The following SLC16A9 variants were observed in gnomAD, a reference collection of about 807,000 sequenced individuals.
SLC16A9 encodes monocarboxylate transporter 9.
Under a neutral mutation model 44.3 loss-of-function variants are expected in SLC16A9, and 26 were observed. That is an observed-to-expected ratio of 0.59 (90% CI 0.43 to 0.81). SLC16A9 has a LOEUF of 0.81. Among genes scored for constraint, SLC16A9 ranks in the 40% least tolerant of loss-of-function variants. The pLI, the probability that SLC16A9 is intolerant of heterozygous loss-of-function variation, is 0.00. For synonymous variants in SLC16A9, 230 were observed against 225.1 expected, an observed-to-expected ratio of 1.02 and a Z score of -0.19; for missense variants, 559 against 595.8, an observed-to-expected ratio of 0.94 and a Z score of 0.64.
intron 2 of SLC16A9, among the ~76,000 whole-genome samples, chr10:59,673,921 C>T (rs1375170898): frequency 6.6e-6 from 1 of 152,154 alleles, no homozygotes; most frequent in Non-Finnish European, 1.5e-5. Context: ...AGACACCCAA[C>T]ATAAAAAGTA....
At chr10:59,703,605 T>G (rs1840573058) in intron 1 of SLC16A9, among the ~76,000 whole-genome samples, 1 of 152,176 alleles carries the variant, frequency 6.6e-6, no homozygotes, top group Non-Finnish European at 1.5e-5. Flanking sequence ...TTTTGGAAAC[T>G]TTGGCACCAC....
At chr10:59,656,718 G>A (rs569328357) in intron 4 of SLC16A9, among the ~76,000 whole-genome samples, 1 of 152,276 alleles carries the variant, frequency 6.6e-6, no homozygotes, top group East Asian at 1.9e-4. Flanking sequence ...TTGTTACATA[G>A]GTAAATATAG....
chr10:59,656,673 T>G (rs1169344934), intron 4 of SLC16A9, among the ~76,000 whole-genome samples: 1 of 152,188 alleles, frequency 6.6e-6, no homozygotes, highest in Non-Finnish European at 1.5e-5. Context: ...GTTAAAAATT[T>G]TAAGTTCCAG....
At chr10:59,657,332 G>A (rs973444998) in intron 4 of SLC16A9, among the ~76,000 whole-genome samples, 3 of 152,236 alleles carry the variant, frequency 2.0e-5, no homozygotes, top group East Asian at 3.9e-4. Context: ...GAGGAAGATC[G>A]CTTCCCCCAA....
intron 3 of SLC16A9, among the ~76,000 whole-genome samples, chr10:59,668,063 ACCT>A (rs1187657761): frequency 6.7e-6 from 1 of 148,820 alleles, no homozygotes. Flanking sequence ...GCCTCAGTTC[ACCT>A]CCTCATCTTT....
At chr10:59,690,417 A>C (rs1840228225) in intron 1 of SLC16A9, among the ~76,000 whole-genome samples, 1 of 152,176 alleles carries the variant, frequency 6.6e-6, no homozygotes, top group Non-Finnish European at 1.5e-5. Context: ...GGTGCCATAC[A>C]AGTGGATGGA....
chr10:59,668,668 T>C (rs1839678606), intron 3 of SLC16A9, among the ~76,000 whole-genome samples: 1 of 152,170 alleles, frequency 6.6e-6, no homozygotes, highest in South Asian at 2.1e-4. Context: ...TTAAGAGACA[T>C]AAAAAATGTA....
chr10:59,677,939 G>T (rs1839895121), intron 2 of SLC16A9, among the ~76,000 whole-genome samples: 1 of 151,354 alleles, frequency 6.6e-6, no homozygotes, highest in Non-Finnish European at 1.5e-5. Context: ...ACAATGTGCA[G>T]GTTAGTTACA....
At chr10:59,678,452 T>C (rs1839906449) in intron 2 of SLC16A9, among the ~76,000 whole-genome samples, 1 of 151,338 alleles carries the variant, frequency 6.6e-6, no homozygotes, top group Non-Finnish European at 1.5e-5. Context: ...CTGCCTTTCA[T>C]TTTAGTGGGT....
chr10:59,697,097 G>T (rs183366150), intron 1 of SLC16A9, among the ~76,000 whole-genome samples: 1 of 92,922 alleles, frequency 1.1e-5, no homozygotes, highest in Non-Finnish European at 2.2e-5. Context: ...CGCCCTGTCC[G>T]GGAGGGAGGT....
At chr10:59,692,134 T>C (rs888397527) in intron 1 of SLC16A9, among the ~76,000 whole-genome samples, 9 of 152,198 alleles carry the variant, frequency 5.9e-5, no homozygotes, top group African/African-American at 2.2e-4. Flanking sequence ...CACTACCGGA[T>C]TGTCTGGTGC....
At chr10:59,665,837 A>C (rs1320256904) in intron 3 of SLC16A9, among the ~76,000 whole-genome samples, 1 of 152,240 alleles carries the variant, frequency 6.6e-6, no homozygotes, top group African/African-American at 2.4e-5. Flanking sequence ...CAGGTTACTA[A>C]ATGTCAATGC....
At chr10:59,698,250 GAATA>G (rs1297310332) in intron 1 of SLC16A9, among the ~76,000 whole-genome samples, 2 of 152,258 alleles carry the variant, frequency 1.3e-5, no homozygotes, top group Admixed American at 6.5e-5. Context: ...CAAAAGAGCA[GAATA>G]ATTAGATCCT....
rs187110010 is a variant in SLC16A9, at chr10:59,705,842, T to C, written c.-37+3637A>G. ...AGTACAGTTAAGGATGTTGATACTG[T>C]TTATGTAAATATACCAATAATGTTC... On this transcript the variant is annotated intron_variant, in intron 1 of 5. Transcript: ENST00000395348. Among the ~76,000 whole-genome samples the C allele has an allele frequency of 3.4e-4, 52 of 152,344 alleles. 1 individual carries two copies. The highest frequency in any genetic ancestry group is 1.3e-3 in the African/African-American group (52 of 41,578).
chr10:59,677,857 TAA>T (rs1839893354), intron 2 of SLC16A9, among the ~76,000 whole-genome samples: 1 of 152,018 alleles, frequency 6.6e-6, no homozygotes. Flanking sequence ...CTTTTTTTTT[TAA>T]GTTTAGCTAC....
intron 4 of SLC16A9, among the ~76,000 whole-genome samples, chr10:59,661,218 C>G (rs1172720315): frequency 6.6e-6 from 1 of 152,212 alleles, no homozygotes; most frequent in Non-Finnish European, 1.5e-5. Context: ...CAAATTATCT[C>G]TGTTTGCAGA....
At chr10:59,696,897 T>C (rs12773023) in intron 1 of SLC16A9, among the ~76,000 whole-genome samples, 13,548 of 138,822 alleles carry the variant, frequency 0.098, 866 homozygotes, top group Middle Eastern at 0.13. Context: ...GTGAGGAGCG[T>C]CTCCGCCCGA....
At position 59,684,270 on chromosome 10, in the gene SLC16A9, C is replaced by T; in HGVS notation, c.22G>A (p.Asp8Asn). 1 of 1,613,268 alleles carries T rather than the reference C, an allele frequency of 6.2e-7. No homozygotes were observed. Among genetic ancestry groups the T allele is most frequent in the Non-Finnish European group, 8.5e-7 (1 of 1,179,734 alleles). ...ACAATCACCCAGCCCCATCCACCGT[C>T]AGGCGACTTTTTAAGTTCCATTGTA... is the stretch of plus-strand genomic sequence containing the variant. MELKKSPDGGWGWVIVFV... is the reference protein window; with the variant it reads MELKKSPNGGWGWVIVFV... Residue 8 changes from aspartate (D) to asparagine (N), a missense_variant, in exon 2 of 6, where the codon GAC (aspartate) becomes AAC (asparagine). Physicochemically the swap from Asp to Asn is conservative, Grantham distance 23 (BLOSUM62 1). Transcript: ENST00000395348.
intron 1 of SLC16A9, among the ~76,000 whole-genome samples, chr10:59,694,373 G>C (rs1171639): frequency 0.3 from 45,886 of 151,726 alleles, 7,652 homozygotes; most frequent in East Asian, 0.62. Context: ...AGTAAGAAAA[G>C]AAAAAAGAGG....
Sources: gnomAD v4.1 joint callset for allele counts (sites outside exome capture counted in the v4.1 genomes callset) on GRCh38, gnomAD v4.1.1 for gene constraint, MANE v1.5 for transcripts, NCBI Gene and HGNC (gene_info 2026-07-23, HGNC 2026-07-21) for gene names.